Variants in BIRC6 observed in about 807,000 individuals in gnomAD.
BIRC6 encodes baculoviral IAP repeat containing 6.
A neutral mutation model predicts 503.3 loss-of-function variants in BIRC6; 98 were observed. The observed-to-expected ratio is 0.19, with a 90% confidence interval of 0.17 to 0.23. The LOEUF is 0.23. Among genes scored for constraint, BIRC6 ranks in the 10% least tolerant of loss-of-function variants. The pLI is 1.00. For synonymous variants in BIRC6, 2,240 were observed against 2,078.7 expected (o/e 1.08, Z -2.11); for missense variants, 5,360 against 5,806.0 (o/e 0.92, Z 2.50).
intron 23 of BIRC6, among the ~76,000 whole-genome samples, chr2:32,454,332 A>G (rs2148649888): frequency 6.6e-6 from 1 of 152,320 alleles, no homozygotes; most frequent in South Asian, 2.1e-4. Flanking sequence ...TTCTCGAACT[A>G]GTTTAAAACA....
At chr2:32,491,389 C>G (rs2051690098) in intron 43 of BIRC6, 36 bp from the exon 44 acceptor site, 1 of 1,550,224 alleles carries the variant, frequency 6.5e-7, no homozygotes, top group African/African-American at 1.4e-5. Flanking sequence ...ATTTCATGGT[C>G]CATTTCTTAA....
chr2:32,380,543 A>G (rs549576866), intron 3 of BIRC6, among the ~76,000 whole-genome samples: 22 of 152,272 alleles, frequency 1.4e-4, no homozygotes, highest in African/African-American at 5.1e-4. Context: ...CCTGGCCAAC[A>G]TGGCGAAACC....
intron 65 of BIRC6, chr2:32,563,708 T>C (rs1193578222): frequency 6.6e-6 from 1 of 152,190 alleles, no homozygotes; most frequent in African/African-American, 2.4e-5. Context: ...AATTCATTGA[T>C]TTTTATTATA....
chr2:32,452,149 G>A (rs2046796200), intron 22 of BIRC6, among the ~76,000 whole-genome samples: 1 of 152,056 alleles, frequency 6.6e-6, no homozygotes, highest in Non-Finnish European at 1.5e-5. Context: ...CTACATATTT[G>A]TGTTGGGTCA....
chr2:32,591,872 G>A (rs2061403333), intron 66 of BIRC6, among the ~76,000 whole-genome samples: 1 of 152,106 alleles, frequency 6.6e-6, no homozygotes, highest in South Asian at 2.1e-4. Context: ...TTCAAAGTGG[G>A]TACTGTCAAG....
intron 30 of BIRC6, 38 bp from the exon 31 acceptor site, chr2:32,470,130 A>G: frequency 3.6e-6 from 5 of 1,394,538 alleles, no homozygotes; most frequent in Non-Finnish European, 4.7e-6. Context: ...AATCGAATTG[A>G]TTCTTATTCT....
chr2:32,486,069 C>CT (rs1303119844), intron 40 of BIRC6, among the ~76,000 whole-genome samples: 1 of 152,170 alleles, frequency 6.6e-6, no homozygotes, highest in Non-Finnish European at 1.5e-5. Flanking sequence ...TCATACCTGC[C>CT]TGTGAGTTCA....
intron 70 of BIRC6, among the ~76,000 whole-genome samples, chr2:32,600,483 C>T (rs553202587): frequency 1.3e-5 from 2 of 152,308 alleles, no homozygotes; most frequent in East Asian, 3.9e-4. Context: ...TAGCTCAAAT[C>T]ATAAAACTAG....
At chr2:32,595,621 A>G (rs77782543) in intron 68 of BIRC6, among the ~76,000 whole-genome samples, 2,566 of 152,318 alleles carry the variant, frequency 0.017, 25 homozygotes, top group Non-Finnish European at 0.024. Flanking sequence ...AGTACCCTTT[A>G]TATGGTTCTG....
chr2:32,463,361 C>G lies in BIRC6; in HGVS notation c.4921C>G (p.Leu1641Val). ...LQVLQEKQQQ[L>V]LKLQQQKAKL... The stretch of plus-strand genomic sequence containing the variant: ...GGTGCTGCAAGAGAAACAGCAGCAG[C>G]TTTTGAAGCTTCAGCAACAGGTTGG... Residue 1641 changes from leucine to valine, a missense_variant, in exon 24 of 74, where the codon CTT becomes GTT. Leu to Val is a conservative substitution (Grantham distance 32). Coordinates refer to ENST00000421745, the MANE Select transcript of BIRC6 (RefSeq NM_016252.4). 6.8e-6 allele frequency: 11 copies of G among 1,612,132 alleles called. No individual in the cohort carries two copies. Among genetic ancestry groups the G allele is most frequent in the Non-Finnish European group, 9.3e-6 (11 of 1,179,168 alleles).
intron 10 of BIRC6, among the ~76,000 whole-genome samples, chr2:32,417,115 G>A (rs1249215503): frequency 6.6e-6 from 1 of 151,986 alleles, no homozygotes; most frequent in East Asian, 1.9e-4. Flanking sequence ...GGGATTACAG[G>A]CATGAGCCAC....
At chr2:32,617,194 G>T (rs2063301224) in intron 73 of BIRC6, among the ~76,000 whole-genome samples, 1 of 152,188 alleles carries the variant, frequency 6.6e-6, no homozygotes, top group African/African-American at 2.4e-5. Context: ...ACAGTCAAGA[G>T]ATCAAGACCA....
At chr2:32,393,455 A>C (rs1308218996) in intron 5 of BIRC6, among the ~76,000 whole-genome samples, 1 of 152,234 alleles carries the variant, frequency 6.6e-6, no homozygotes, top group Non-Finnish European at 1.5e-5. Context: ...CTGCTAAAAG[A>C]ATCTAAGAAA....
Position 32,479,537 on chromosome 2 carries a change from G to A in BIRC6, c.7328G>A (p.Gly2443Asp), listed in dbSNP as rs760308061. ...GGTGATGATGTAGGTGCGACAGCTG[G>A]TGACTCTGATGACTCCCTTCAACAG... is the stretch of plus-strand genomic sequence containing the variant. The part of the protein sequence containing the change: ...TVGDDVGATA[G>D]DSDDSLQQSS... The change falls in exon 37 of 74, where the codon GGT (glycine) becomes GAT (aspartate). Residue 2443 changes from glycine (G) to aspartate (D), a missense_variant. Around this residue, in one of 16 missense-constraint regions of BIRC6, gnomAD observed 2,299 missense variants for 2,267.2 expected, o/e 1.01. Coordinates refer to ENST00000421745, the MANE Select transcript of BIRC6 (RefSeq NM_016252.4). The A allele has an allele frequency of 8.7e-6, 14 of 1,607,490 alleles. No individual in the cohort carries two copies. The highest frequency in any genetic ancestry group is 1.2e-5 in the Non-Finnish European group (14 of 1,176,652).
intron 3 of BIRC6, among the ~76,000 whole-genome samples, chr2:32,380,498 G>A (rs768928180): frequency 1.3e-5 from 2 of 152,056 alleles, no homozygotes; most frequent in Admixed American, 6.6e-5. Context: ...AGGCTGAGGC[G>A]GGCAGATCAC....
intron 43 of BIRC6, among the ~76,000 whole-genome samples, chr2:32,490,844 A>G (rs574488554): frequency 6.6e-6 from 1 of 152,268 alleles, no homozygotes; most frequent in African/African-American, 2.4e-5. Flanking sequence ...AATAATTTAA[A>G]TCATTGCTTA....
At chr2:32,443,064 T>C (rs1306829913) in intron 19 of BIRC6, among the ~76,000 whole-genome samples, 1 of 152,214 alleles carries the variant, frequency 6.6e-6, no homozygotes, top group Non-Finnish European at 1.5e-5. Context: ...AGAACAGTTA[T>C]AATAATATAC....
chr2:32,613,528 C>G (rs374330280), intron 73 of BIRC6, among the ~76,000 whole-genome samples: 1 of 151,992 alleles, frequency 6.6e-6, no homozygotes, highest in Non-Finnish European at 1.5e-5. Flanking sequence ...TTACAGTCAC[C>G]TGCCATCATG....
chr2:32,401,304 G>T lies in BIRC6; in HGVS notation c.1176G>T (p.Gly392=). 1 of 1,613,998 alleles carries T rather than the reference G, an allele frequency of 6.2e-7. No individual in the cohort carries two copies. The part of the protein sequence containing the change: ...TDGTDRISCF[G]SGSCPHFLAA... ...GAACTGACAGAATATCTTGCTTTGG[G>T]TCGGGGAGCTGCCCTCATTTTCTAG... Residue 392 remains glycine, a synonymous_variant, in exon 7 of 74, where the codon GGG becomes GGT. Transcript: ENST00000421745.
Sources: allele counts gnomAD v4.1 joint callset (sites outside exome capture counted in the v4.1 genomes callset), GRCh38; gene constraint gnomAD v4.1.1; regional missense constraint gnomAD v4.1.1; transcripts MANE v1.5; gene names NCBI Gene and HGNC (gene_info 2026-07-23, HGNC 2026-07-21).